The following TCF12 variants were observed in gnomAD, a reference collection of about 807,000 sequenced individuals.
TCF12 encodes DNA-binding protein HTF4.
A neutral mutation model predicts 86.0 loss-of-function variants in TCF12; 45 were observed. That is an observed-to-expected ratio of 0.52 (90% CI 0.41 to 0.67). TCF12 has a LOEUF of 0.67. Ranked by LOEUF, TCF12 falls within the 30% of genes least tolerant of loss-of-function variation. TCF12 has a pLI of 0.00. For synonymous variants in TCF12, 330 were observed against 299.6 expected (o/e 1.10, Z -1.05); for missense variants, 881 against 859.9 (o/e 1.02, Z -0.31).
At chr15:57,269,241 G>C (rs1231791277) in intron 18 of TCF12, among the ~76,000 whole-genome samples, 1 of 151,886 alleles carries the variant, frequency 6.6e-6, no homozygotes, top group East Asian at 1.9e-4. Context: ...GGGATAGTTA[G>C]GTCTTCTTGT....
chr15:57,049,882 T>C (rs1183610154), intron 3 of TCF12, among the ~76,000 whole-genome samples: 1 of 152,232 alleles, frequency 6.6e-6, no homozygotes, highest in African/African-American at 2.4e-5. Context: ...TGTTTTCTTT[T>C]GCGCCATTAA....
rs545156757 is a variant in TCF12, at chr15:57,099,382, C to T, written c.325+7491C>T. ...CCCTCTTATCTATGGGTAATCCGTC[C>T]TAGAATGAATTACTTGAAAGAGTAA... On this transcript the variant is annotated intron_variant, in intron 5 of 20. Transcript: ENST00000333725. Among the ~76,000 whole-genome samples, 6 of 151,752 alleles carry T rather than the reference C, an allele frequency of 4.0e-5. No homozygotes were observed. The South Asian group carries it at 1.0e-3, about 26-fold the overall frequency.
intron 3 of TCF12, among the ~76,000 whole-genome samples, chr15:56,956,799 A>T (rs958566665): frequency 2.7e-5 from 4 of 149,412 alleles, no homozygotes; most frequent in Non-Finnish European, 6.0e-5. Context: ...TGCTTTTAAG[A>T]TTTTTTTTTT....
intron 3 of TCF12, among the ~76,000 whole-genome samples, chr15:56,946,798 C>CCTTTT (rs2061018263): frequency 8.8e-6 from 1 of 113,544 alleles, no homozygotes. Context: ...TCTAAAGTAC[C>CCTTTT]TTTTTTTTTT....
intron 3 of TCF12, among the ~76,000 whole-genome samples, chr15:56,979,109 G>A (rs1471840946): frequency 2.0e-5 from 3 of 151,962 alleles, no homozygotes; most frequent in Non-Finnish European, 4.4e-5. Flanking sequence ...ACTCATTTTT[G>A]TTTTCTTGTT....
intron 5 of TCF12, among the ~76,000 whole-genome samples, chr15:57,126,966 G>T (rs550421614): frequency 6.7e-6 from 1 of 148,482 alleles, no homozygotes; most frequent in East Asian, 2.0e-4. Context: ...CTCTTCACTT[G>T]TACTTTTTTT....
chr15:56,970,539 G>A (rs533321247), intron 3 of TCF12, among the ~76,000 whole-genome samples: 9 of 148,740 alleles, frequency 6.1e-5, no homozygotes, highest in Non-Finnish European at 1.3e-4. Flanking sequence ...ATGAAACAAT[G>A]GAACAGAGAT....
chr15:57,125,552 A>G (rs1404045967), intron 5 of TCF12, among the ~76,000 whole-genome samples: 2 of 152,236 alleles, frequency 1.3e-5, no homozygotes, highest in Non-Finnish European at 2.9e-5. Context: ...GATACCAGAC[A>G]AGCCAACAAT....
At chr15:57,266,234 T>C (rs1423936397) in intron 18 of TCF12, among the ~76,000 whole-genome samples, 1 of 152,002 alleles carries the variant, frequency 6.6e-6, no homozygotes, top group Non-Finnish European at 1.5e-5. Context: ...GATGCCACCA[T>C]GCCTGGCTAA....
At chr15:57,020,525 T>C (rs1267757513) in intron 3 of TCF12, among the ~76,000 whole-genome samples, 1 of 152,210 alleles carries the variant, frequency 6.6e-6, no homozygotes, top group African/African-American at 2.4e-5. Context: ...CTGTGTATTA[T>C]ATTTTGCTTC....
chr15:57,109,671 G>A lies in TCF12; in HGVS notation c.325+17780G>A, dbSNP rs1321447742. Among the ~76,000 whole-genome samples, 12 of 152,034 alleles carry A rather than the reference G, an allele frequency of 7.9e-5. 1 individual carries two copies. The highest frequency in any genetic ancestry group is 7.9e-4 in the Admixed American group (12 of 15,254). On this transcript the variant is annotated intron_variant, in intron 5 of 20. Coordinates refer to ENST00000333725, the MANE Select transcript of TCF12 (RefSeq NM_207037.2). Reference sequence around the variant, plus strand: ...TAGTATTTTAGGTTTTTGTTGAGATGGATACTATTGTATATTTAAAAATGC... The same window carrying A: ...TAGTATTTTAGGTTTTTGTTGAGATAGATACTATTGTATATTTAAAAATGC...
At chr15:57,169,868 G>T (rs1250405460) in intron 6 of TCF12, among the ~76,000 whole-genome samples, 1 of 152,144 alleles carries the variant, frequency 6.6e-6, no homozygotes, top group Admixed American at 6.5e-5. Flanking sequence ...TAATGTAATT[G>T]TCCAGTTTTG....
intron 2 of TCF12, 140 bp from the exon 3 acceptor site, chr15:56,920,886 C>T (rs1217185890): frequency 3.5e-6 from 2 of 568,708 alleles, no homozygotes; most frequent in Non-Finnish European, 3.0e-6. Context: ...ATTTGCCTCT[C>T]TGGATCTGAA....
chr15:57,232,238 A>C, intron 9 of TCF12, 53 bp from the exon 10 acceptor site: 1 of 1,605,786 alleles, frequency 6.2e-7, no homozygotes, highest in Non-Finnish European at 8.5e-7. Context: ...CAACATCAAA[A>C]TACAAGAAAA....
intron 3 of TCF12, among the ~76,000 whole-genome samples, chr15:56,951,975 T>G (rs2061296649): frequency 6.6e-6 from 1 of 152,136 alleles, no homozygotes; most frequent in East Asian, 1.9e-4. Flanking sequence ...AAGATTTTCT[T>G]TCACATGTAG....
At chr15:57,034,444 G>A (rs1191393171) in intron 3 of TCF12, among the ~76,000 whole-genome samples, 1 of 152,104 alleles carries the variant, frequency 6.6e-6, no homozygotes, top group Non-Finnish European at 1.5e-5. Context: ...CAGTGTTGGA[G>A]AAACAAAGGA....
chr15:57,075,814 C>CTT lies in TCF12; in HGVS notation c.222+11992_222+11993insTT, dbSNP rs1567370804. ...TCTTTCTTTCTTTCTTTCTCTCTCT[C>CTT]TCTCTCTCTCTCTCTCTCTCTTTTC... On this transcript the variant is annotated intron_variant, in intron 4 of 20. Coordinates refer to ENST00000333725, the MANE Select transcript of TCF12 (RefSeq NM_207037.2). 4.7e-3 allele frequency among the ~76,000 whole-genome samples: 276 copies of CTT among 58,910 alleles called. 2 individuals carry two copies. The highest frequency in any genetic ancestry group is 7.0e-3 in the Non-Finnish European group (208 of 29,750). 38.6% of individuals were successfully genotyped at this position (58,910 alleles called of 152,430 possible). A position where few individuals can be genotyped will look rare whatever the true frequency, so the allele number is the denominator to read the frequency against.
At chr15:56,968,072 T>G (rs1403563894) in intron 3 of TCF12, among the ~76,000 whole-genome samples, 18 of 152,046 alleles carry the variant, frequency 1.2e-4, no homozygotes, top group African/African-American at 4.3e-4. Context: ...TTCTTGTGCT[T>G]CAGCCTCCTG....
At chr15:57,147,308 G>T (rs1042812219) in intron 5 of TCF12, among the ~76,000 whole-genome samples, 1 of 152,154 alleles carries the variant, frequency 6.6e-6, no homozygotes, top group Non-Finnish European at 1.5e-5. Context: ...TTTAACATCA[G>T]TGTAATAGTT....
Sources: gnomAD v4.1 joint callset for allele counts (sites outside exome capture counted in the v4.1 genomes callset) on GRCh38, gnomAD v4.1.1 for gene constraint, MANE v1.5 for transcripts, NCBI Gene and HGNC (gene_info 2026-07-23, HGNC 2026-07-21) for gene names.